The following DCLK1 variants were observed in gnomAD, a reference collection of about 807,000 sequenced individuals.
DCLK1 encodes serine/threonine-protein kinase DCLK1.
In DCLK1, 16 loss-of-function variants were observed where a neutral mutation model predicts 86.2. The observed-to-expected ratio is 0.19, with a 90% CI of 0.13 to 0.28. The LOEUF is 0.28. DCLK1 is among the 10% of genes least tolerant of loss of function. DCLK1 has a pLI of 1.00. For synonymous variants in DCLK1, 369 were observed against 370.5 expected (o/e 1.00, Z 0.05); for missense variants, 590 against 940.2 (o/e 0.63, Z 4.87).
chr13:35,835,881 G>A, intron 8 of DCLK1, 152 bp downstream of exon 8: 1 of 552,402 alleles, frequency 1.8e-6, no homozygotes, highest in Non-Finnish European at 3.2e-6. Flanking sequence ...GTTGTTAGAT[G>A]GGTCTTTCTT....
chr13:36,111,861 T>A lies in DCLK1; in HGVS notation c.723+8A>T, dbSNP rs371980224. 6.2e-7 allele frequency: 1 copy of A among 1,606,566 alleles called. No homozygotes were observed. Among genetic ancestry groups the A allele is most frequent in the Non-Finnish European group, 8.5e-7 (1 of 1,175,206 alleles). ...AAAGTCAAAGTCACATCACAATATG[T>A]CTCTTACCTGTTTCCCATCCAACGT... On this transcript the variant is annotated splice_region_variant and intron_variant, in intron 3 of 16. Coordinates refer to ENST00000360631, the MANE Select transcript of DCLK1 (RefSeq NM_001330071.2).
At chr13:36,100,061 G>C (rs544241488) in intron 3 of DCLK1, among the ~76,000 whole-genome samples, 5 of 151,520 alleles carry the variant, frequency 3.3e-5, no homozygotes, top group African/African-American at 9.7e-5. Context: ...GAAAACGATT[G>C]GCCGGGCATG....
Position 35,839,719 on chromosome 13 carries a change from T to G in DCLK1, c.1036-543A>C, listed in dbSNP as rs188129463. ...TTGAGATCAAAACATAAGCACTGAG[T>G]AGGTTATTGGTTTGTTAAACGTTAC... is the stretch of plus-strand genomic sequence containing the variant. On this transcript the variant is annotated intron_variant, in intron 6 of 16. Transcript: ENST00000360631. Among the ~76,000 whole-genome samples, 198 of 152,228 alleles carry G rather than the reference T, an allele frequency of 1.3e-3. 1 individual carries two copies. Among genetic ancestry groups the G allele is most frequent in the Non-Finnish European group, 6.6e-4 (45 of 68,022 alleles).
At chr13:35,794,297 G>GCATAGT (rs1404272439) in intron 15 of DCLK1, among the ~76,000 whole-genome samples, 1 of 152,094 alleles carries the variant, frequency 6.6e-6, no homozygotes, top group Non-Finnish European at 1.5e-5. Context: ...ATAGTGCCTT[G>GCATAGT]GCACATATTA....
intron 3 of DCLK1, among the ~76,000 whole-genome samples, chr13:35,985,109 T>C (rs540290815): frequency 7.9e-5 from 12 of 152,264 alleles, no homozygotes; most frequent in African/African-American, 2.9e-4. Flanking sequence ...GTTCTGTGAA[T>C]AAAAACAGCA....
chr13:35,799,208 T>C (rs2086870570), intron 15 of DCLK1, among the ~76,000 whole-genome samples: 1 of 151,996 alleles, frequency 6.6e-6, no homozygotes, highest in African/African-American at 2.4e-5. Context: ...GCATCAGACC[T>C]GTATTAGAGG....
chr13:35,885,311 A>G (rs908354712), intron 4 of DCLK1, among the ~76,000 whole-genome samples: 1 of 152,206 alleles, frequency 6.6e-6, no homozygotes. Flanking sequence ...GGACAACAAA[A>G]AAAAAATTCT....
chr13:35,986,998 C>T (rs1430757144), intron 3 of DCLK1, among the ~76,000 whole-genome samples: 2 of 152,184 alleles, frequency 1.3e-5, no homozygotes, highest in Admixed American at 6.5e-5. Flanking sequence ...GTTTAATGCT[C>T]TTGTAAAAGC....
In DCLK1 at chr13:36,053,094, G is replaced by A. The variant is rs73525219; in HGVS notation, c.723+58775C>T. On this transcript the variant is annotated intron_variant, in intron 3 of 16. Coordinates refer to ENST00000360631, the MANE Select transcript of DCLK1 (RefSeq NM_001330071.2). ...TTTCCTCCAAATTCTGTTAGAGAGT[G>A]CATTCCAATTACTAAAGATGCTAAG... 8.3e-3 allele frequency among the ~76,000 whole-genome samples: 1,268 copies of A among 152,216 alleles called. 15 individuals carry two copies. The highest frequency in any genetic ancestry group is 0.029 in the African/African-American group (1,194 of 41,544).
chr13:35,945,825 A>G (rs973082873), intron 4 of DCLK1, among the ~76,000 whole-genome samples: 5 of 152,224 alleles, frequency 3.3e-5, no homozygotes, highest in African/African-American at 1.2e-4. Flanking sequence ...CGTAGGTCAG[A>G]AATAAAGATG....
chr13:35,778,246 C>T (rs2086459895), intron 16 of DCLK1, among the ~76,000 whole-genome samples: 1 of 152,216 alleles, frequency 6.6e-6, no homozygotes, highest in African/African-American at 2.4e-5. Context: ...TACAGCTCCT[C>T]ATAAAGCCCA....
chr13:35,828,585 T>G (rs1300762453), intron 8 of DCLK1, among the ~76,000 whole-genome samples: 1 of 152,206 alleles, frequency 6.6e-6, no homozygotes, highest in Non-Finnish European at 1.5e-5. Flanking sequence ...ACTTTGTTCC[T>G]CGAATTGCCC....
chr13:35,786,896 T>C (rs559408599), intron 16 of DCLK1, among the ~76,000 whole-genome samples: 1 of 152,246 alleles, frequency 6.6e-6, no homozygotes, highest in African/African-American at 2.4e-5. Flanking sequence ...CAAAATGACC[T>C]TAGAAAATTT....
intron 15 of DCLK1, among the ~76,000 whole-genome samples, chr13:35,795,864 G>A (rs1418014175): frequency 3.4e-5 from 5 of 145,458 alleles, no homozygotes; most frequent in African/African-American, 1.3e-4. Flanking sequence ...GGCGGAATTT[G>A]CAGTGAGCTG....
chr13:35,821,251 A>C (rs2087387963), intron 11 of DCLK1, among the ~76,000 whole-genome samples: 1 of 152,236 alleles, frequency 6.6e-6, no homozygotes. Context: ...TAAAGACGTT[A>C]GCACAGGGCC....
At chr13:36,088,011 T>A (rs767807776) in intron 3 of DCLK1, among the ~76,000 whole-genome samples, 1 of 152,166 alleles carries the variant, frequency 6.6e-6, no homozygotes, top group African/African-American at 2.4e-5. Context: ...TTTAAAACCA[T>A]GATGTGGGAA....
chr13:35,849,518 C>CA, intron 6 of DCLK1: 1 of 981,316 alleles, frequency 1.0e-6, no homozygotes, highest in Non-Finnish European at 1.2e-6. Context: ...TAGGATATGG[C>CA]TTAAATACAA....
At chr13:36,108,075 TA>T (rs11297157) in intron 3 of DCLK1, among the ~76,000 whole-genome samples, 69,711 of 148,220 alleles carry the variant, frequency 0.47, 16,166 homozygotes, top group East Asian at 0.58. Context: ...GGCCCAGATT[TA>T]AAAAAAAAAA....
intron 3 of DCLK1, among the ~76,000 whole-genome samples, chr13:36,074,464 G>T (rs1324375190): frequency 4.1e-5 from 3 of 73,400 alleles, no homozygotes; most frequent in African/African-American, 1.7e-4. Context: ...GCGAGACTCC[G>T]TCTCAAAAAA....
Sources: allele counts gnomAD v4.1 joint callset (sites outside exome capture counted in the v4.1 genomes callset), GRCh38; gene constraint gnomAD v4.1.1; transcripts MANE v1.5; gene names NCBI Gene and HGNC (gene_info 2026-07-23, HGNC 2026-07-21).